EPB41L2: variants seen among roughly 807,000 people sequenced by gnomAD.
EPB41L2 encodes the protein band 4.1-like protein 2.
EPB41L2 carries 43 observed loss-of-function variants against 113.0 expected under a neutral mutation model. The observed-to-expected ratio is 0.38, with a 90% CI of 0.30 to 0.49. EPB41L2 has a LOEUF of 0.49. Among genes scored for constraint, EPB41L2 ranks in the 20% least tolerant of loss-of-function variants. The pLI is 0.95. For missense variants in EPB41L2, 1,147 were observed against 1,223.4 expected, an observed-to-expected ratio of 0.94 and a Z score of 0.93; for synonymous variants, 442 against 436.7, an observed-to-expected ratio of 1.01 and a Z score of -0.15.
chr6:131,005,957 T>C (rs373543176), intron 1 of EPB41L2, among the ~76,000 whole-genome samples: 15 of 152,150 alleles, frequency 9.9e-5, no homozygotes, highest in African/African-American at 3.4e-4. Context: ...TGACAGCAGA[T>C]AGCCTCAGCC....
At chr6:130,875,747 C>T (rs966629971) in intron 14 of EPB41L2, among the ~76,000 whole-genome samples, 2 of 152,088 alleles carry the variant, frequency 1.3e-5, no homozygotes, top group Non-Finnish European at 2.9e-5. Context: ...GCCTGTAATC[C>T]TAGCACTTTG....
chr6:130,896,409 A>G (rs1794673329), intron 8 of EPB41L2, among the ~76,000 whole-genome samples: 1 of 152,224 alleles, frequency 6.6e-6, no homozygotes, highest in Non-Finnish European at 1.5e-5. Context: ...ACCAGACCCC[A>G]TGGTGTGTTT....
In EPB41L2 at chr6:130,982,851, TTAAA is replaced by T. The variant is rs370422400; in HGVS notation, c.-14-26356_-14-26353del. Among the ~76,000 whole-genome samples, 109 of 152,250 alleles carry T rather than the reference TTAAA, an allele frequency of 7.2e-4. 3 individuals are homozygous for T. The East Asian group carries it at 0.017, about 24-fold the overall frequency. On this transcript the variant is annotated intron_variant, in intron 1 of 19. Coordinates refer to ENST00000337057, the MANE Select transcript of EPB41L2 (RefSeq NM_001431.4). The stretch of plus-strand genomic sequence containing the variant: ...TCAAAGAAAATGAGGCTCGGAGAAA[TTAAA>T]TAACTTCCCTTAATAAGCATAAAAT...
At chr6:131,022,491 T>C (rs535897588) in intron 1 of EPB41L2, among the ~76,000 whole-genome samples, 14 of 152,220 alleles carry the variant, frequency 9.2e-5, no homozygotes, top group Non-Finnish European at 1.6e-4. Context: ...CTCCATTGCT[T>C]TATTTTGAAT....
At chr6:130,972,578 C>T (rs9402305) in intron 1 of EPB41L2, among the ~76,000 whole-genome samples, 3 of 150,894 alleles carry the variant, frequency 2.0e-5, no homozygotes, top group Non-Finnish European at 4.4e-5. Flanking sequence ...ACATATTTGC[C>T]TTGACAATTC....
At chr6:131,036,229 T>C (rs1273119029) in intron 1 of EPB41L2, among the ~76,000 whole-genome samples, 1 of 152,114 alleles carries the variant, frequency 6.6e-6, no homozygotes, top group Non-Finnish European at 1.5e-5. Context: ...GTTTATGGAA[T>C]GTTGTAAAAT....
intron 1 of EPB41L2, among the ~76,000 whole-genome samples, chr6:131,002,003 C>T (rs1178632603): frequency 6.6e-6 from 1 of 152,096 alleles, no homozygotes. Flanking sequence ...TCAGACATTC[C>T]TTCTCATCTC....
intron 3 of EPB41L2, among the ~76,000 whole-genome samples, chr6:130,940,835 C>A (rs1378825269): frequency 1.3e-5 from 2 of 152,098 alleles, no homozygotes; most frequent in African/African-American, 2.4e-5. Flanking sequence ...CGACTCCAGC[C>A]TATAGTAACT....
intron 14 of EPB41L2, 149 bp from the exon 15 acceptor site, chr6:130,870,275 G>A: frequency 6.5e-7 from 1 of 1,545,078 alleles, no homozygotes; most frequent in Non-Finnish European, 8.8e-7. Flanking sequence ...GGGCAAACGT[G>A]AGGGCAATGA....
chr6:130,955,054 C>G, intron 3 of EPB41L2, 51 bp downstream of exon 3: 1 of 1,513,162 alleles, frequency 6.6e-7, no homozygotes, highest in Non-Finnish European at 9.2e-7. Context: ...TTCATCATGC[C>G]ATGCCACAAT....
At chr6:130,974,483 T>C (rs1179757778) in intron 1 of EPB41L2, among the ~76,000 whole-genome samples, 3 of 152,118 alleles carry the variant, frequency 2.0e-5, no homozygotes, top group African/African-American at 7.2e-5. Context: ...TGAATCTCAT[T>C]GTTCAAAAAA....
intron 8 of EPB41L2, among the ~76,000 whole-genome samples, chr6:130,898,405 A>T (rs926658850): frequency 3.9e-5 from 6 of 152,164 alleles, no homozygotes; most frequent in Non-Finnish European, 8.8e-5. Flanking sequence ...GGGCTTCTAA[A>T]CAACATCTAC....
chr6:130,987,398 A>T (rs1046997289), intron 1 of EPB41L2, among the ~76,000 whole-genome samples: 4 of 152,168 alleles, frequency 2.6e-5, no homozygotes, highest in African/African-American at 9.6e-5. Context: ...TGAACACTAA[A>T]TGTTGTTCTG....
At chr6:130,856,180 A>T (rs905282598) in intron 19 of EPB41L2, among the ~76,000 whole-genome samples, 1 of 152,254 alleles carries the variant, frequency 6.6e-6, no homozygotes, top group Non-Finnish European at 1.5e-5. Context: ...TACATAAAAA[A>T]TATCTTTATC....
At chr6:131,039,720 T>G (rs1057441756) in intron 1 of EPB41L2, among the ~76,000 whole-genome samples, 2 of 152,082 alleles carry the variant, frequency 1.3e-5, no homozygotes, top group African/African-American at 4.8e-5. Flanking sequence ...GGAGCCAGTT[T>G]GAAGAGGATG....
Position 130,869,817 on chromosome 6 carries a change from C to T in EPB41L2, c.2353G>A (p.Ala785Thr). The T allele has an allele frequency of 1.2e-6, 2 of 1,614,004 alleles. No individual in the cohort carries two copies. The change falls in exon 15 of 20, where the codon GCC becomes ACC. Residue 785 changes from alanine to threonine, a missense_variant. Transcript: ENST00000337057. ...GCTTCCTCCCTCTCTACTACCTTGGCTGCCGGGCGGGGTTCTTCCTCCACC... is the reference window on the plus strand; with the variant it reads ...GCTTCCTCCCTCTCTACTACCTTGGTTGCCGGGCGGGGTTCTTCCTCCACC... Reference protein sequence around the residue: ...EEVEEEPRPAAKVVEREEAVP... With the variant: ...EEVEEEPRPATKVVEREEAVP...
At chr6:130,850,025 G>T (rs1778304850) in intron 19 of EPB41L2, among the ~76,000 whole-genome samples, 2 of 152,124 alleles carry the variant, frequency 1.3e-5, no homozygotes, top group Admixed American at 1.3e-4. Flanking sequence ...CCTGAGGTCA[G>T]TCAGGAGTTC....
Position 131,051,316 on chromosome 6 carries a change from G to C in EPB41L2, c.-15+11839C>G, listed in dbSNP as rs561255220. Among the ~76,000 whole-genome samples, 1,100 of 152,040 alleles carry C rather than the reference G, an allele frequency of 7.2e-3. 7 individuals carry two copies. Among genetic ancestry groups the C allele is most frequent in the Non-Finnish European group, 0.012 (826 of 67,978 alleles). On this transcript the variant is annotated intron_variant, in intron 1 of 19. Transcript: ENST00000337057. Reference sequence around the variant, plus strand: ...AATGTGAGTACCGTGGCAATCTTGTGGAATTTTGTTTTTAATCAATTTAAA... The same window carrying C: ...AATGTGAGTACCGTGGCAATCTTGTCGAATTTTGTTTTTAATCAATTTAAA...
At chr6:130,956,578 GGAAA>G in intron 1 of EPB41L2, 79 bp from the exon 2 acceptor site, 1 of 1,274,922 alleles carries the variant, frequency 7.8e-7, no homozygotes, top group East Asian at 2.4e-5. Flanking sequence ...GGCATGGTAA[GGAAA>G]GATGAGAAGA....
Sources: allele counts gnomAD v4.1 joint callset (sites outside exome capture counted in the v4.1 genomes callset), GRCh38; gene constraint gnomAD v4.1.1; transcripts MANE v1.5; gene names NCBI Gene and HGNC (gene_info 2026-07-23, HGNC 2026-07-21).